SLC4A8: variants seen among roughly 807,000 people sequenced by gnomAD.
The protein encoded by SLC4A8 is solute carrier family 4 member 8.
In SLC4A8, 40 loss-of-function variants were observed where a neutral mutation model predicts 125.0. The ratio of observed to expected loss-of-function variants is 0.32; its 90% CI spans 0.25 to 0.42. The LOEUF (loss-of-function observed/expected upper bound fraction) is 0.42, where lower values mean the gene tolerates loss of function less well. SLC4A8 is among the 10% of genes least tolerant of loss of function. SLC4A8 has a pLI of 1.00. For missense variants in SLC4A8, 863 were observed against 1,355.1 expected (o/e 0.64, Z 5.70); for synonymous variants, 456 against 476.0 (o/e 0.96, Z 0.55).
intron 1 of SLC4A8, among the ~76,000 whole-genome samples, chr12:51,428,849 T>C (rs976142868): frequency 3.3e-5 from 5 of 152,368 alleles, no homozygotes; most frequent in Middle Eastern, 3.4e-3. Flanking sequence ...AACTTTATTA[T>C]TGTTTTCCAA....
chr12:51,433,851 G>GTTTTTT (rs869249897), intron 1 of SLC4A8, among the ~76,000 whole-genome samples: 2 of 65,264 alleles, frequency 3.1e-5, no homozygotes, highest in African/African-American at 6.4e-5. Context: ...CACACCATCT[G>GTTTTTT]TTTTTTTTTT....
chr12:51,490,562 CAAAAAAA>C (rs767679317), intron 19 of SLC4A8, among the ~76,000 whole-genome samples: 4 of 37,568 alleles, frequency 1.1e-4, no homozygotes, highest in African/African-American at 3.3e-4. Flanking sequence ...GACTCCATCT[CAAAAAAA>C]AAAAAAAAAA....
At chr12:51,438,763 T>C (rs981056637) in intron 1 of SLC4A8, among the ~76,000 whole-genome samples, 3 of 152,210 alleles carry the variant, frequency 2.0e-5, no homozygotes, top group Non-Finnish European at 4.4e-5. Context: ...AAGGGTTCTT[T>C]CTTCTTCATA....
At position 51,505,853 on chromosome 12, in the gene SLC4A8, T is replaced by G; in HGVS notation, c.3192T>G (p.Ile1064Met). The change falls in exon 24 of 25, where the codon ATT becomes ATG. Residue 1064 changes from isoleucine to methionine, a missense_variant. Physicochemically the swap from Ile to Met is conservative, Grantham distance 10. Transcript: ENST00000453097. ...NISCRCDPSE[I>M]NISDEMPKTT... ...ATTTCAGATGTGACCCCTCTGAGAT[T>G]AATATATCTGATGAAATGCCTAAAA... 3.2e-6 allele frequency: 5 copies of G among 1,556,354 alleles called. No individual in the cohort carries two copies. Among genetic ancestry groups the G allele is most frequent in the Non-Finnish European group, 4.4e-6 (5 of 1,130,248 alleles).
chr12:51,397,265 C>T (rs1948282849), intron 1 of SLC4A8, among the ~76,000 whole-genome samples: 1 of 152,168 alleles, frequency 6.6e-6, no homozygotes, highest in South Asian at 2.1e-4. Context: ...AAGATCATCA[C>T]TTGGTCAAGG....
In SLC4A8 at chr12:51,508,972, G is replaced by A. The variant is rs913676829; in HGVS notation, c.*1534G>A. 1.3e-5 allele frequency: 2 copies of A among 152,588 alleles called. No individual in the cohort carries two copies. Among genetic ancestry groups the A allele is most frequent in the Non-Finnish European group, 2.9e-5 (2 of 68,026 alleles). The allele number at this position is 152,588 out of a possible 1,614,324, so 9.5% of individuals were successfully genotyped here. ...TAGTCTTACTCTAAAGACCTTTGAT[G>A]TTAAAGGAATCCTTCATTTATTTCA... On this transcript the variant is annotated 3_prime_UTR_variant, in exon 25 of 25. Coordinates refer to ENST00000453097, the MANE Select transcript of SLC4A8 (RefSeq NM_001039960.3).
intron 1 of SLC4A8, among the ~76,000 whole-genome samples, chr12:51,435,067 T>C (rs1347501825): frequency 6.6e-6 from 1 of 152,210 alleles, no homozygotes; most frequent in Non-Finnish European, 1.5e-5. Context: ...GTGTTGTTTT[T>C]CAAGGAACTC....
At chr12:51,485,755 C>A (rs753243436) in intron 16 of SLC4A8, 32 bp from the exon 17 acceptor site, 3 of 1,285,100 alleles carry the variant, frequency 2.3e-6, no homozygotes, top group Middle Eastern at 1.8e-4. Context: ...TTTAACCTGC[C>A]AAAACATGTG....
intron 2 of SLC4A8, among the ~76,000 whole-genome samples, chr12:51,444,152 C>T (rs767669986): frequency 2.0e-5 from 3 of 152,024 alleles, no homozygotes; most frequent in Non-Finnish European, 2.9e-5. Flanking sequence ...GGGCAAAGAG[C>T]GGTTGAATGG....
At chr12:51,505,513 A>G (rs1012900292) in intron 23 of SLC4A8, among the ~76,000 whole-genome samples, 4 of 152,242 alleles carry the variant, frequency 2.6e-5, no homozygotes, top group African/African-American at 9.6e-5. Flanking sequence ...TCCTGATGCT[A>G]CACTGTTGAT....
At chr12:51,445,143 GA>G (rs1949732121) in intron 2 of SLC4A8, among the ~76,000 whole-genome samples, 1 of 152,120 alleles carries the variant, frequency 6.6e-6, no homozygotes. Flanking sequence ...CATCATTTTA[GA>G]GGCCAAAGTG....
intron 5 of SLC4A8, among the ~76,000 whole-genome samples, 171 bp downstream of exon 5, chr12:51,453,870 C>T (rs61933279): frequency 0.06 from 9,172 of 152,266 alleles, 406 homozygotes; most frequent in Non-Finnish European, 0.093. Context: ...GGCTAATAAA[C>T]GACTCTACCT....
intron 1 of SLC4A8, among the ~76,000 whole-genome samples, chr12:51,414,726 A>C (rs1278898998): frequency 2.6e-5 from 4 of 152,232 alleles, no homozygotes; most frequent in Non-Finnish European, 5.9e-5. Flanking sequence ...GAAAGTGGAC[A>C]TCCTTGTCTT....
rs1406314143 is a variant in SLC4A8, at chr12:51,509,357, T to C, written c.*1919T>C. ...AGCCAAAGCTTCACATTTTAGCACT[T>C]TAGGATAACTGTAGTAATTGTACTC... On this transcript the variant is annotated 3_prime_UTR_variant, in exon 25 of 25. Coordinates refer to ENST00000453097, the MANE Select transcript of SLC4A8 (RefSeq NM_001039960.3). The C allele has an allele frequency of 6.6e-6, 1 of 152,238 alleles. No individual in the cohort carries two copies. The highest frequency in any genetic ancestry group is 1.5e-5 in the Non-Finnish European group (1 of 68,046). 9.4% of individuals were successfully genotyped at this position (152,238 alleles called of 1,614,324 possible).
intron 22 of SLC4A8, among the ~76,000 whole-genome samples, chr12:51,498,344 A>G (rs1036719744): frequency 7.9e-5 from 12 of 152,118 alleles, no homozygotes; most frequent in Non-Finnish European, 1.6e-4. Flanking sequence ...TATATAATTT[A>G]CGAAAAAGAA....
chr12:51,403,603 T>C (rs1049682554), intron 1 of SLC4A8, among the ~76,000 whole-genome samples: 4 of 152,202 alleles, frequency 2.6e-5, no homozygotes, highest in Non-Finnish European at 5.9e-5. Context: ...CTGCCGATGT[T>C]ACCATTCAGT....
chr12:51,407,571 A>T (rs996000686), intron 1 of SLC4A8, among the ~76,000 whole-genome samples: 26 of 152,102 alleles, frequency 1.7e-4, no homozygotes, highest in African/African-American at 5.6e-4. Context: ...GCCCGGCTTC[A>T]ACATAGATTT....
intron 17 of SLC4A8, among the ~76,000 whole-genome samples, chr12:51,487,756 C>T (rs571665606): frequency 6.6e-6 from 1 of 152,324 alleles, no homozygotes; most frequent in East Asian, 1.9e-4. Flanking sequence ...CCGTCTTAGG[C>T]TCCTTCTCAA....
intron 1 of SLC4A8, chr12:51,403,319 C>T (rs1268209679): frequency 4.5e-6 from 2 of 440,208 alleles, no homozygotes; most frequent in East Asian, 1.4e-4. Flanking sequence ...CCTGTTACTC[C>T]ACCAGAAAGC....
Sources: gnomAD v4.1 joint callset for allele counts (sites outside exome capture counted in the v4.1 genomes callset) on GRCh38, gnomAD v4.1.1 for gene constraint, MANE v1.5 for transcripts, NCBI Gene and HGNC (gene_info 2026-07-23, HGNC 2026-07-21) for gene names.